The following NXPH2 variants were observed in gnomAD, a reference collection of about 807,000 sequenced individuals.
NXPH2 encodes neurexophilin 2.
Under a neutral mutation model 19.8 loss-of-function variants are expected in NXPH2, and 5 were observed. The ratio of observed to expected loss-of-function variants is 0.25; its 90% CI spans 0.13 to 0.53. The LOEUF is 0.53. Ranked by LOEUF, NXPH2 falls within the 20% of genes least tolerant of loss-of-function variation. NXPH2 has a pLI of 0.96. For synonymous variants in NXPH2, 154 were observed against 127.4 expected (o/e 1.21, Z -1.41); for missense variants, 289 against 322.8 (o/e 0.90, Z 0.80).
Position 138,670,725 on chromosome 2 carries a change from A to G in NXPH2, c.*197T>C, listed in dbSNP as rs1680400447. 1 of 500,142 alleles carries G rather than the reference A, an allele frequency of 2.0e-6. No homozygotes were observed. The highest frequency in any genetic ancestry group is 4.0e-5 in the South Asian group (1 of 24,706). 31.0% of individuals were successfully genotyped at this position (500,142 alleles called of 1,614,324 possible). On this transcript the variant is annotated 3_prime_UTR_variant, in exon 2 of 2. Coordinates refer to ENST00000272641, the MANE Select transcript of NXPH2 (RefSeq NM_007226.3). Reference sequence around the variant, plus strand: ...ATAAACAGTTTAACTTTTTAGATAAAGGTACCTACGATAGAAAGAAACAAA... The same window carrying G: ...ATAAACAGTTTAACTTTTTAGATAAGGGTACCTACGATAGAAAGAAACAAA...
chr2:138,703,902 G>A (rs1170622519), intron 1 of NXPH2, among the ~76,000 whole-genome samples: 1 of 152,198 alleles, frequency 6.6e-6, no homozygotes, highest in Non-Finnish European at 1.5e-5. Context: ...AAACATAAGA[G>A]GTTAGTCCTC....
intron 1 of NXPH2, among the ~76,000 whole-genome samples, chr2:138,754,194 T>G (rs981649820): frequency 2.0e-5 from 3 of 152,156 alleles, no homozygotes; most frequent in Admixed American, 2.0e-4. Context: ...TTATTGATTT[T>G]TTAAGTTTAC....
chr2:138,761,104 CA>C (rs1398305012), intron 1 of NXPH2, among the ~76,000 whole-genome samples: 1 of 151,974 alleles, frequency 6.6e-6, no homozygotes, highest in Non-Finnish European at 1.5e-5. Flanking sequence ...TGAAGCTCAG[CA>C]AGCCATAAAG....
intron 1 of NXPH2, among the ~76,000 whole-genome samples, chr2:138,735,773 T>C (rs1681529196): frequency 6.6e-6 from 1 of 152,218 alleles, no homozygotes; most frequent in Admixed American, 6.5e-5. Flanking sequence ...TTTCTGCCTA[T>C]GAACCTGTAA....
intron 1 of NXPH2, among the ~76,000 whole-genome samples, chr2:138,675,033 C>T (rs1443727648): frequency 3.3e-5 from 5 of 152,126 alleles, no homozygotes; most frequent in African/African-American, 1.2e-4. Context: ...GGGATAGAGC[C>T]CTTCTGACAT....
chr2:138,748,554 A>G (rs865871350), intron 1 of NXPH2, among the ~76,000 whole-genome samples: 21 of 152,154 alleles, frequency 1.4e-4, no homozygotes, highest in African/African-American at 5.1e-4. Flanking sequence ...AATAAATTAG[A>G]AATAAAGAAT....
intron 1 of NXPH2, among the ~76,000 whole-genome samples, chr2:138,715,662 A>G (rs1681186310): frequency 6.6e-6 from 1 of 152,298 alleles, no homozygotes; most frequent in South Asian, 2.1e-4. Context: ...AATCCTTACA[A>G]TAGCCGAAGA....
rs1338690793 is a variant in NXPH2 at position 138,769,429 on chromosome 2, A to G, written c.51+10762T>C. The stretch of plus-strand genomic sequence containing the variant: ...TCCCTCCAAAAATCCCAGTGAAAAG[A>G]ACTAGAAATGCAAAAACAAGAATAA... On this transcript the variant is annotated intron_variant, in intron 1 of 1. Transcript: ENST00000272641. Among the ~76,000 whole-genome samples, 14 of 152,252 alleles carry G rather than the reference A, an allele frequency of 9.2e-5. 1 individual carries two copies. The highest frequency in any genetic ancestry group is 5.2e-4 in the Admixed American group (8 of 15,286).
At chr2:138,676,821 G>A (rs1680491078) in intron 1 of NXPH2, among the ~76,000 whole-genome samples, 1 of 152,176 alleles carries the variant, frequency 6.6e-6, no homozygotes, top group Non-Finnish European at 1.5e-5. Context: ...TCAGTGCCAT[G>A]TGATAAATTA....
chr2:138,766,493 G>A (rs1376341526), intron 1 of NXPH2, among the ~76,000 whole-genome samples: 2 of 152,196 alleles, frequency 1.3e-5, no homozygotes, highest in Non-Finnish European at 2.9e-5. Flanking sequence ...GGAGCCAGAT[G>A]TGTTATTAAG....
chr2:138,741,045 T>C (rs1681634384), intron 1 of NXPH2, among the ~76,000 whole-genome samples: 1 of 152,248 alleles, frequency 6.6e-6, no homozygotes, highest in Non-Finnish European at 1.5e-5. Flanking sequence ...CACATTTTCC[T>C]GGCAAGTAAT....
intron 1 of NXPH2, among the ~76,000 whole-genome samples, chr2:138,692,774 A>G (rs1680763631): frequency 6.6e-6 from 1 of 152,180 alleles, no homozygotes; most frequent in African/African-American, 2.4e-5. Flanking sequence ...ATATTTATAA[A>G]GATATTACAT....
intron 1 of NXPH2, among the ~76,000 whole-genome samples, chr2:138,683,471 G>A (rs1680606538): frequency 3.3e-5 from 5 of 152,188 alleles, no homozygotes; most frequent in Admixed American, 3.3e-4. Context: ...GTTTCAGTGA[G>A]GGATGAGGAG....
At chr2:138,675,193 T>G (rs935395446) in intron 1 of NXPH2, among the ~76,000 whole-genome samples, 31 of 152,232 alleles carry the variant, frequency 2.0e-4, no homozygotes, top group Admixed American at 1.9e-3. Flanking sequence ...ACCACAAGTA[T>G]AAAAATATTC....
chr2:138,777,816 C>T (rs1682289194), intron 1 of NXPH2, among the ~76,000 whole-genome samples: 1 of 139,288 alleles, frequency 7.2e-6, no homozygotes, highest in African/African-American at 2.7e-5. Context: ...CTTCACTCCT[C>T]CCTCACCAAA....
intron 1 of NXPH2, among the ~76,000 whole-genome samples, chr2:138,726,750 G>A (rs1390153094): frequency 6.6e-6 from 1 of 152,146 alleles, no homozygotes; most frequent in African/African-American, 2.4e-5. Context: ...TGGTACATTT[G>A]TTACAGGAGT....
At chr2:138,739,441 C>A (rs891944950) in intron 1 of NXPH2, among the ~76,000 whole-genome samples, 2 of 152,110 alleles carry the variant, frequency 1.3e-5, no homozygotes, top group African/African-American at 4.8e-5. Context: ...CAATGAAATG[C>A]AGTGAGGAGC....
intron 1 of NXPH2, among the ~76,000 whole-genome samples, chr2:138,694,630 T>A (rs1680800497): frequency 1.3e-5 from 2 of 152,168 alleles, no homozygotes; most frequent in Admixed American, 6.5e-5. Flanking sequence ...TTGCAGCCTA[T>A]GAGGGAATTT....
At chr2:138,739,748 T>A (rs1351214324) in intron 1 of NXPH2, among the ~76,000 whole-genome samples, 1 of 152,148 alleles carries the variant, frequency 6.6e-6, no homozygotes, top group African/African-American at 2.4e-5. Context: ...CCAGCAATAG[T>A]GAAGCTATCT....
Sources: allele counts gnomAD v4.1 joint callset (sites outside exome capture counted in the v4.1 genomes callset), GRCh38; gene constraint gnomAD v4.1.1; transcripts MANE v1.5; gene names NCBI Gene and HGNC (gene_info 2026-07-23, HGNC 2026-07-21).